DNTT: variants seen among roughly 807,000 people sequenced by gnomAD.
DNTT encodes the protein DNA nucleotidylexotransferase.
In DNTT, 47 loss-of-function variants were observed where a neutral mutation model predicts 60.9. The ratio of observed to expected loss-of-function variants is 0.77; its 90% CI spans 0.61 to 0.98. The LOEUF (loss-of-function observed/expected upper bound fraction) is 0.98. DNTT is among the 50% of genes least tolerant of loss of function. The probability of loss-of-function intolerance (pLI) is 0.00; values close to 1 mark genes in which losing one functional copy is unlikely to be tolerated. For synonymous variants in DNTT, 224 were observed against 221.2 expected, an observed-to-expected ratio of 1.01 and a Z score of -0.11; for missense variants, 665 against 627.5, an observed-to-expected ratio of 1.06 and a Z score of -0.64.
At chr10:96,304,788 C>A in intron 1 of DNTT, 88 bp downstream of exon 1, 1 of 1,422,514 alleles carries the variant, frequency 7.0e-7, no homozygotes, top group South Asian at 1.4e-5. Context: ...TTTTCTTCCA[C>A]ATGTGGAAGA....
At chr10:96,322,330 A>C (rs1289122308) in intron 4 of DNTT, among the ~76,000 whole-genome samples, 1 of 152,220 alleles carries the variant, frequency 6.6e-6, no homozygotes, top group Admixed American at 6.5e-5. Context: ...CAGTAAGGTC[A>C]TATTCATTGA....
At chr10:96,316,365 G>A (rs911046497) in intron 1 of DNTT, among the ~76,000 whole-genome samples, 5 of 151,928 alleles carry the variant, frequency 3.3e-5, no homozygotes, top group South Asian at 2.1e-4. Context: ...AAGTAGTTCC[G>A]CAACCCTCCC....
chr10:96,305,105 G>C (rs1271017886), intron 1 of DNTT, among the ~76,000 whole-genome samples: 1 of 152,154 alleles, frequency 6.6e-6, no homozygotes, highest in Non-Finnish European at 1.5e-5. Flanking sequence ...TTGGTTGCTT[G>C]GTTCTTACCT....
At position 96,308,338 on chromosome 10, in the gene DNTT, G is replaced by A. The variant is rs556682454; in HGVS notation, c.203+3638G>A. Among the ~76,000 whole-genome samples the A allele has an allele frequency of 2.6e-5, 4 of 152,312 alleles. No homozygotes were observed. The East Asian group carries it at 7.7e-4, about 29-fold the overall frequency. On this transcript the variant is annotated intron_variant, in intron 1 of 10. Coordinates refer to ENST00000371174, the MANE Select transcript of DNTT (RefSeq NM_004088.4). ...ATACGTGCCATTCAATGTGCCATAG[G>A]AAGCTGGTCTTAAAACGTAGATAAG...
intron 6 of DNTT, among the ~76,000 whole-genome samples, chr10:96,324,664 C>T (rs1392085299): frequency 6.6e-6 from 1 of 152,210 alleles, no homozygotes. Flanking sequence ...GGCAATGCCT[C>T]AGCACTGTGT....
At chr10:96,327,764 T>C (rs1293703490) in intron 7 of DNTT, among the ~76,000 whole-genome samples, 164 bp downstream of exon 7, 1 of 152,232 alleles carries the variant, frequency 6.6e-6, no homozygotes, top group Non-Finnish European at 1.5e-5. Flanking sequence ...CCCAAATGGC[T>C]TGTCATCCCC....
chr10:96,325,464 T>C (rs1589374555), intron 6 of DNTT, among the ~76,000 whole-genome samples: 2 of 152,326 alleles, frequency 1.3e-5, no homozygotes, highest in East Asian at 3.9e-4. Context: ...AGACTCTCAA[T>C]GCTTAGAGAG....
chr10:96,310,698 G>A (rs72811055), intron 1 of DNTT, among the ~76,000 whole-genome samples: 6,544 of 152,226 alleles, frequency 0.043, 178 homozygotes, highest in Middle Eastern at 0.075. Flanking sequence ...CACAAGCCAC[G>A]TGTAGACCTC....
At chr10:96,330,324 T>A (rs890270635) in intron 8 of DNTT, among the ~76,000 whole-genome samples, 1 of 152,058 alleles carries the variant, frequency 6.6e-6, no homozygotes, top group African/African-American at 2.4e-5. Context: ...GGCTTTTTTT[T>A]TTTTTTTTTA....
intron 1 of DNTT, among the ~76,000 whole-genome samples, chr10:96,310,146 G>C (rs1441285141): frequency 1.3e-5 from 2 of 152,124 alleles, no homozygotes; most frequent in Non-Finnish European, 2.9e-5. Context: ...CCCCTCAGGG[G>C]CACACCCTTC....
chr10:96,332,232 A>G, intron 8 of DNTT, 119 bp from the exon 9 acceptor site: 1 of 1,448,692 alleles, frequency 6.9e-7, no homozygotes, highest in Non-Finnish European at 9.2e-7. Context: ...CTTTAATGCA[A>G]GGCCAAACAC....
Position 96,332,712 on chromosome 10 carries a change from C to A in DNTT, c.1359+116C>A, listed in dbSNP as rs554007537. The A allele has an allele frequency of 1.1e-4, 155 of 1,473,222 alleles. No homozygotes were observed. The Middle Eastern group carries it at 1.8e-3, about 17-fold the overall frequency. The allele number at this position is 1,473,222 out of a possible 1,614,324, so 91.3% of individuals were successfully genotyped here. The stretch of plus-strand genomic sequence containing the variant: ...AGGGGCTGGGTGACAGGGGAGGGGC[C>A]AGTACCCAGAAACCTCTAACTCAAG... On this transcript the variant is annotated intron_variant, in intron 9 of 10. Transcript: ENST00000371174.
At chr10:96,313,471 G>T (rs970078841) in intron 1 of DNTT, among the ~76,000 whole-genome samples, 2 of 152,158 alleles carry the variant, frequency 1.3e-5, no homozygotes, top group East Asian at 3.9e-4. Context: ...CACAAACAAA[G>T]CTCCCCTCAG....
At chr10:96,311,456 C>A (rs1374302697) in intron 1 of DNTT, among the ~76,000 whole-genome samples, 1 of 152,054 alleles carries the variant, frequency 6.6e-6, no homozygotes, top group Non-Finnish European at 1.5e-5. Flanking sequence ...GAGGCAGGAT[C>A]AACTAGGAAA....
intron 1 of DNTT, among the ~76,000 whole-genome samples, chr10:96,310,126 C>T (rs573295294): frequency 1.3e-5 from 2 of 152,268 alleles, no homozygotes; most frequent in South Asian, 2.1e-4. Flanking sequence ...AGGGACCAAC[C>T]CCCCTACTAC....
At position 96,317,117 on chromosome 10, in the gene DNTT, G is replaced by C. The variant is rs138823065; in HGVS notation, c.204-1235G>C. Among the ~76,000 whole-genome samples the C allele has an allele frequency of 5.2e-3, 791 of 152,236 alleles. 3 individuals carry two copies. Among genetic ancestry groups the C allele is most frequent in the African/African-American group, 0.017 (699 of 41,524 alleles). ...GATTTATAGACTATTTGAACTGAAA[G>C]GATCTTAAAAATCACTGGGTCCAAT... On this transcript the variant is annotated intron_variant, in intron 1 of 10. Coordinates refer to ENST00000371174, the MANE Select transcript of DNTT (RefSeq NM_004088.4).
intron 9 of DNTT, among the ~76,000 whole-genome samples, chr10:96,333,754 T>C (rs1845034390): frequency 6.6e-6 from 1 of 152,174 alleles, no homozygotes; most frequent in Non-Finnish European, 1.5e-5. Flanking sequence ...TCTGTATATG[T>C]AGAATCTAAA....
intron 9 of DNTT, 54 bp from the exon 10 acceptor site, chr10:96,335,837 T>G (rs1845061761): frequency 6.3e-7 from 1 of 1,583,644 alleles, no homozygotes; most frequent in Non-Finnish European, 8.7e-7. Flanking sequence ...AGCCACCTAA[T>G]ACTGAAGACA....
chr10:96,332,364 A>G lies in DNTT; in HGVS notation c.1127A>G (p.Tyr376Cys). The change falls in exon 9 of 11, where the codon TAT becomes TGT. Residue 376 changes from tyrosine to cysteine, a missense_variant. Physicochemically the swap from Tyr to Cys is radical, Grantham distance 194 (BLOSUM62 -2). Coordinates refer to ENST00000371174, the MANE Select transcript of DNTT (RefSeq NM_004088.4). ...NLWEKKGLLL[Y>C]YDLVESTFEK... is the part of the protein sequence containing the mutation. ...GTTTCTTTTCAGGGATTACTTTTAT[A>G]TTATGACCTTGTGGAGTCAACATTT... 1.9e-6 allele frequency: 3 copies of G among 1,614,042 alleles called. No individual in the cohort carries two copies. In the South Asian group the frequency reaches 3.3e-5, roughly 18 times the overall value.
Sources: gnomAD v4.1 joint callset for allele counts (sites outside exome capture counted in the v4.1 genomes callset) on GRCh38, gnomAD v4.1.1 for gene constraint, MANE v1.5 for transcripts, NCBI Gene and HGNC (gene_info 2026-07-23, HGNC 2026-07-21) for gene names.